Variants in CSMD1 observed in about 807,000 individuals in gnomAD.
CSMD1 encodes CUB and sushi domain-containing protein 1.
In CSMD1, 213 loss-of-function variants were observed where a neutral mutation model predicts 417.5. That is an observed-to-expected ratio of 0.51 (90% CI 0.46 to 0.57). The LOEUF (loss-of-function observed/expected upper bound fraction) is 0.57. CSMD1 is among the 20% of genes least tolerant of loss of function. The pLI is 0.00. For missense variants in CSMD1, 6,923 were observed against 4,529.7 expected (o/e 1.53, Z -15.17); for synonymous variants, 2,862 against 1,736.8 (o/e 1.65, Z -16.11).
intron 3 of CSMD1, among the ~76,000 whole-genome samples, chr8:4,280,256 T>C (rs908431911): frequency 4.6e-5 from 7 of 152,230 alleles, no homozygotes; most frequent in African/African-American, 1.4e-4. Context: ...GCTTTGTATA[T>C]TGCAGTATTT....
At chr8:4,090,013 T>C (rs1244972441) in intron 3 of CSMD1, among the ~76,000 whole-genome samples, 1 of 152,206 alleles carries the variant, frequency 6.6e-6, no homozygotes, top group East Asian at 1.9e-4. Flanking sequence ...CTAGCCTGTT[T>C]TGTAAAGGAA....
intron 7 of CSMD1, among the ~76,000 whole-genome samples, chr8:3,695,999 T>C (rs1326520060): frequency 1.3e-5 from 2 of 152,168 alleles, no homozygotes; most frequent in Admixed American, 6.5e-5. Flanking sequence ...GTGTTAGAAA[T>C]ATGACTTGTG....
At chr8:4,072,007 A>G (rs537401694) in intron 3 of CSMD1, among the ~76,000 whole-genome samples, 24 of 152,134 alleles carry the variant, frequency 1.6e-4, no homozygotes, top group Middle Eastern at 3.4e-3. Flanking sequence ...TTTCTGGTGG[A>G]TGTGGTTTTG....
rs73180010 is a variant in CSMD1 at position 3,980,584 on chromosome 8, C to A, written c.818+17319G>T. On this transcript the variant is annotated intron_variant, in intron 5 of 69. Coordinates refer to ENST00000635120, the MANE Select transcript of CSMD1 (RefSeq NM_033225.6). ...CAAATTCGTAGTGAAAATAGTTTCCCCCCTTGTTAATTTGTTTTTTATGCC... is the reference window on the plus strand; with the variant it reads ...CAAATTCGTAGTGAAAATAGTTTCCACCCTTGTTAATTTGTTTTTTATGCC... 8.6e-3 allele frequency among the ~76,000 whole-genome samples: 1,313 copies of A among 152,216 alleles called. 6 individuals carry two copies. Among genetic ancestry groups the A allele is most frequent in the Non-Finnish European group, 0.013 (876 of 68,016 alleles).
intron 2 of CSMD1, among the ~76,000 whole-genome samples, chr8:4,441,314 T>C (rs1309872267): frequency 2.1e-5 from 3 of 143,066 alleles, no homozygotes; most frequent in Non-Finnish European, 4.5e-5. Flanking sequence ...GGTCTCACTC[T>C]GCCCCCTAGG....
intron 7 of CSMD1, among the ~76,000 whole-genome samples, chr8:3,670,734 G>A (rs1049322116): frequency 3.0e-5 from 4 of 134,842 alleles, no homozygotes; most frequent in Non-Finnish European, 6.7e-5. Context: ...ATACATGTAT[G>A]GGATGTATGT....
intron 3 of CSMD1, among the ~76,000 whole-genome samples, chr8:4,184,283 G>A (rs144465951): frequency 1.4e-4 from 22 of 152,194 alleles, no homozygotes; most frequent in East Asian, 3.9e-4. Flanking sequence ...ATAATCTAAC[G>A]CTATTCAGGA....
intron 3 of CSMD1, among the ~76,000 whole-genome samples, chr8:4,167,844 AAGGCCAG>A (rs1485837079): frequency 6.6e-6 from 1 of 152,052 alleles, no homozygotes; most frequent in African/African-American, 2.4e-5. Context: ...TATATATAAA[AAGGCCAG>A]ACATGATGGC....
At chr8:4,763,857 C>T (rs775979648) in intron 1 of CSMD1, among the ~76,000 whole-genome samples, 30 of 152,170 alleles carry the variant, frequency 2.0e-4, no homozygotes, top group African/African-American at 3.9e-4. Flanking sequence ...TTTTCCTGAA[C>T]GGAAAGAAAA....
chr8:4,730,366 A>G (rs1039913134), intron 1 of CSMD1, among the ~76,000 whole-genome samples: 5 of 152,218 alleles, frequency 3.3e-5, no homozygotes, highest in Non-Finnish European at 7.3e-5. Context: ...AGATGAAAAC[A>G]TATTCAAACT....
At chr8:3,221,321 G>A (rs1245506449) in intron 28 of CSMD1, among the ~76,000 whole-genome samples, 1 of 152,186 alleles carries the variant, frequency 6.6e-6, no homozygotes, top group Non-Finnish European at 1.5e-5. Flanking sequence ...CGTCAGGAAT[G>A]AAGAAGGAAT....
At chr8:3,825,773 A>G (rs1399179249) in intron 5 of CSMD1, among the ~76,000 whole-genome samples, 1 of 152,200 alleles carries the variant, frequency 6.6e-6, no homozygotes, top group Non-Finnish European at 1.5e-5. Context: ...GTGGAAATGT[A>G]GAATATATTC....
chr8:4,696,633 C>G (rs1002591336), intron 1 of CSMD1, among the ~76,000 whole-genome samples: 71 of 152,246 alleles, frequency 4.7e-4, no homozygotes, highest in African/African-American at 1.6e-3. Context: ...GTATTTCATA[C>G]TTTTTTCATT....
At chr8:3,904,753 C>G (rs1428837870) in intron 5 of CSMD1, among the ~76,000 whole-genome samples, 1 of 151,534 alleles carries the variant, frequency 6.6e-6, no homozygotes, top group Non-Finnish European at 1.5e-5. Flanking sequence ...TCTCATACCT[C>G]AGCCTCCCAA....
At chr8:4,861,676 C>G (rs1236102668) in intron 1 of CSMD1, among the ~76,000 whole-genome samples, 1 of 152,050 alleles carries the variant, frequency 6.6e-6, no homozygotes, top group Non-Finnish European at 1.5e-5. Context: ...TACCACATAA[C>G]AACACAGTGA....
intron 3 of CSMD1, among the ~76,000 whole-genome samples, chr8:4,092,998 A>G (rs1253668772): frequency 6.6e-6 from 1 of 152,162 alleles, no homozygotes; most frequent in Non-Finnish European, 1.5e-5. Context: ...GGGGTCAAAG[A>G]AAAGACCACT....
chr8:3,224,021 T>A (rs1333382306), intron 27 of CSMD1, among the ~76,000 whole-genome samples, 154 bp from the exon 28 acceptor site: 3 of 152,236 alleles, frequency 2.0e-5, no homozygotes, highest in Non-Finnish European at 4.4e-5. Flanking sequence ...ATTATCCTGA[T>A]AAAATTGTAA....
At chr8:3,725,558 A>G (rs1377202178) in intron 6 of CSMD1, among the ~76,000 whole-genome samples, 5 of 152,062 alleles carry the variant, frequency 3.3e-5, no homozygotes, top group African/African-American at 1.2e-4. Context: ...AGCTGCTTGT[A>G]TTAAGTAGAA....
At chr8:3,741,030 C>T (rs2720838) in intron 6 of CSMD1, among the ~76,000 whole-genome samples, 136,757 of 151,760 alleles carry the variant, frequency 0.9, 62,370 homozygotes, top group East Asian at 0.99. Context: ...GCCTGGCCAA[C>T]ATGGTCAAAC....
Sources: allele counts gnomAD v4.1 joint callset (sites outside exome capture counted in the v4.1 genomes callset), GRCh38; gene constraint gnomAD v4.1.1; transcripts MANE v1.5; gene names NCBI Gene and HGNC (gene_info 2026-07-23, HGNC 2026-07-21).